The following DHX33 variants were observed in gnomAD, a reference collection of about 807,000 sequenced individuals.
DHX33 encodes ATP-dependent RNA helicase DHX33.
A neutral mutation model predicts 72.5 loss-of-function variants in DHX33; 42 were observed. The ratio of observed to expected loss-of-function variants is 0.58; its 90% CI spans 0.45 to 0.75. The LOEUF is 0.75. Among genes scored for constraint, DHX33 ranks in the 30% least tolerant of loss-of-function variants. DHX33 has a pLI of 0.00. For synonymous variants in DHX33, 358 were observed against 366.1 expected (o/e 0.98, Z 0.25); for missense variants, 842 against 917.5 (o/e 0.92, Z 1.06).
Position 5,450,099 on chromosome 17 carries a change from C to G in DHX33, c.1728+104G>C. On this transcript the variant is annotated intron_variant, in intron 10 of 11. Coordinates refer to ENST00000225296, the MANE Select transcript of DHX33 (RefSeq NM_020162.4). ...TTTGTGATTCTTTAGATAATTTAGCCAAAAAGGGAAAGCGTACTTTTTGCA... is the reference window on the plus strand; with the variant it reads ...TTTGTGATTCTTTAGATAATTTAGCGAAAAAGGGAAAGCGTACTTTTTGCA... The G allele has an allele frequency of 2.1e-6, 3 of 1,411,410 alleles. No homozygotes were observed. The South Asian group carries it at 3.8e-5, about 18-fold the overall frequency. The allele number at this position is 1,411,410 out of a possible 1,614,324, so 87.4% of individuals were successfully genotyped here.
Position 5,468,895 on chromosome 17 carries a change from G to C in DHX33, c.-36C>G, listed in dbSNP as rs1177661385. ...CACCGCGGCGGGAGGCGCAAGCGCC[G>C]AGAGCTCCTGCCCCCTCTCAGGTGC... On this transcript the variant is annotated 5_prime_UTR_variant, in exon 1 of 12. Coordinates refer to ENST00000225296, the MANE Select transcript of DHX33 (RefSeq NM_020162.4). 1 of 1,547,586 alleles carries C rather than the reference G, an allele frequency of 6.5e-7. No individual in the cohort carries two copies. The highest frequency in any genetic ancestry group is 1.4e-5 in the African/African-American group (1 of 72,880).
chr17:5,449,102 G>A (rs770277168), intron 10 of DHX33, among the ~76,000 whole-genome samples: 6 of 152,078 alleles, frequency 3.9e-5, no homozygotes, highest in Non-Finnish European at 5.9e-5. Flanking sequence ...CATCTCTATA[G>A]AGAAAATATA....
rs756640406 is a variant in DHX33 at position 5,443,783 on chromosome 17, C to G, written c.*422G>C. 53 of 164,488 alleles carry G rather than the reference C, an allele frequency of 3.2e-4. No individual in the cohort carries two copies. Among genetic ancestry groups the G allele is most frequent in the Admixed American group, 9.4e-4 (16 of 16,940 alleles). 10.2% of individuals were successfully genotyped at this position (164,488 alleles called of 1,614,324 possible). On this transcript the variant is annotated 3_prime_UTR_variant, in exon 12 of 12. Coordinates refer to ENST00000225296, the MANE Select transcript of DHX33 (RefSeq NM_020162.4). ...TATTGCTGTACTTCACATCATATGG[C>G]AAGCAGTAACATTCAGCCTAACGGC...
In DHX33 at chr17:5,460,928, C is replaced by T. The variant is rs763698880; in HGVS notation, c.849+11G>A. 65 of 1,604,210 alleles carry T rather than the reference C, an allele frequency of 4.1e-5. No homozygotes were observed. The South Asian group carries it at 7.0e-4, about 17-fold the overall frequency. ...AGAGAACTTTTCAGGAATTTGCCCCCAGCACCATACCTGGTGGATCTGGAA... is the reference window on the plus strand; with the variant it reads ...AGAGAACTTTTCAGGAATTTGCCCCTAGCACCATACCTGGTGGATCTGGAA... On this transcript the variant is annotated intron_variant, in intron 4 of 11. Transcript: ENST00000225296.
intron 4 of DHX33, among the ~76,000 whole-genome samples, chr17:5,460,199 A>G (rs1567602410): frequency 6.6e-6 from 1 of 151,624 alleles, no homozygotes; most frequent in Non-Finnish European, 1.5e-5. Flanking sequence ...TATTTTTAGT[A>G]CAGACGAGGT....
Position 5,463,703 on chromosome 17 carries a change from G to GA in DHX33, c.290-15_290-14insT. 4 of 1,557,806 alleles carry GA rather than the reference G, an allele frequency of 2.6e-6. No individual in the cohort carries two copies. Among genetic ancestry groups the GA allele is most frequent in the Non-Finnish European group, 2.6e-6 (3 of 1,158,582 alleles). ...AGCCAGTTTCCCCTAGGAGAGAGGG[G>GA]GAAAAAAAAAAAAGGCTCACTGAAA... is the stretch of plus-strand genomic sequence containing the variant. On this transcript the variant is annotated splice_polypyrimidine_tract_variant and intron_variant, in intron 1 of 11. Transcript: ENST00000225296.
At chr17:5,456,284 T>A in intron 4 of DHX33, 102 bp from the exon 5 acceptor site, 1 of 1,266,240 alleles carries the variant, frequency 7.9e-7, no homozygotes. Flanking sequence ...TTATTTCTCT[T>A]AACTATAGAA....
Position 5,450,304 on chromosome 17 carries a change from C to G in DHX33, c.1627G>C (p.Glu543Gln). 3 of 1,614,182 alleles carry G rather than the reference C, an allele frequency of 1.9e-6. No individual in the cohort carries two copies. The highest frequency in any genetic ancestry group is 2.5e-6 in the Non-Finnish European group (3 of 1,180,022). ...SVLHNPPSRR[E>Q]EVQGVRKKFI... ...TTCTTGCGGACCCCTTGCACTTCCT[C>G]TCGCCGGGAAGGAGGGTTGTGGAGG... Residue 543 changes from glutamate to glutamine, a missense_variant, in exon 10 of 12, where the codon GAG (glutamate) becomes CAG (glutamine). Glu to Gln is a conservative substitution (Grantham distance 29, BLOSUM62 2). Coordinates refer to ENST00000225296, the MANE Select transcript of DHX33 (RefSeq NM_020162.4).
intron 1 of DHX33, among the ~76,000 whole-genome samples, chr17:5,468,064 T>C (rs1567605571): frequency 6.6e-6 from 1 of 152,184 alleles, no homozygotes; most frequent in Non-Finnish European, 1.5e-5. Context: ...CTGCTCATCC[T>C]TTCCGTCCTT....
chr17:5,465,182 C>A (rs1248326487), intron 1 of DHX33, among the ~76,000 whole-genome samples: 2 of 152,120 alleles, frequency 1.3e-5, no homozygotes, highest in Non-Finnish European at 1.5e-5. Flanking sequence ...AGTAAACCTG[C>A]GCTTCCTTCC....
At chr17:5,448,680 TTTC>T in intron 11 of DHX33, 126 bp downstream of exon 11, 2 of 595,478 alleles carry the variant, frequency 3.4e-6, no homozygotes, top group South Asian at 3.4e-5. Context: ...AACTTCCTTT[TTTC>T]TTATTTGTGA....
In DHX33 at chr17:5,468,634, T is replaced by C. The variant is rs770892846; in HGVS notation, c.226A>G (p.Ile76Val). Reference sequence around the variant, plus strand: ...AACAGTTGCCCCCGCGCTTGGAAGATGGGCAGACTCCGGCGCTGCAGCTCC... The same window carrying C: ...AACAGTTGCCCCCGCGCTTGGAAGACGGGCAGACTCCGGCGCTGCAGCTCC... ...AVELQRRSLP[I>V]FQARGQLLAQ... The change falls in exon 1 of 12, where the codon ATC becomes GTC. Residue 76 changes from isoleucine to valine, a missense_variant. Transcript: ENST00000225296. 17 of 1,612,106 alleles carry C rather than the reference T, an allele frequency of 1.1e-5. No homozygotes were observed. In the South Asian group the frequency reaches 1.9e-4, roughly 18 times the overall value.
rs370884551 is a variant in DHX33 at position 5,453,992 on chromosome 17, G to C, written c.1148-12C>G. 1.2e-6 allele frequency: 2 copies of C among 1,612,502 alleles called. No homozygotes were observed. Among genetic ancestry groups the C allele is most frequent in the Non-Finnish European group, 1.7e-6 (2 of 1,179,642 alleles). On this transcript the variant is annotated splice_polypyrimidine_tract_variant and intron_variant, in intron 6 of 11. Coordinates refer to ENST00000225296, the MANE Select transcript of DHX33 (RefSeq NM_020162.4). ...CTCAAGACCACTGTCTGGATGGAGA[G>C]TGAGCCCCATTAGTGCTTCATCACA... is the stretch of plus-strand genomic sequence containing the variant.
chr17:5,445,398 A>C (rs1013611924), intron 11 of DHX33, among the ~76,000 whole-genome samples: 1 of 151,500 alleles, frequency 6.6e-6, no homozygotes, highest in African/African-American at 2.4e-5. Context: ...TTCTTTAGAC[A>C]CTCCATGGTC....
rs779619679 is a variant in DHX33 at position 5,450,281 on chromosome 17, C to T, written c.1650G>A (p.Lys550=). 3 of 1,614,200 alleles carry T rather than the reference C, an allele frequency of 1.9e-6. No homozygotes were observed. The South Asian group carries it at 3.3e-5, about 18-fold the overall frequency. ...SRREEVQGVR[K]KFISSEGDHM... is the part of the protein sequence containing the mutation. ...GATCCCCCTCGCTGGATATGAACTT[C>T]TTGCGGACCCCTTGCACTTCCTCTC... The change falls in exon 10 of 12, where the codon AAG becomes AAA. Residue 550 remains lysine, a synonymous_variant. Transcript: ENST00000225296.
chr17:5,455,695 G>A (rs1404474836), intron 5 of DHX33, among the ~76,000 whole-genome samples: 1 of 152,204 alleles, frequency 6.6e-6, no homozygotes, highest in African/African-American at 2.4e-5. Flanking sequence ...CACGGCAAAG[G>A]CACACAAGAA....
chr17:5,458,245 A>C (rs1482991316), intron 4 of DHX33, among the ~76,000 whole-genome samples: 1 of 152,120 alleles, frequency 6.6e-6, no homozygotes, highest in African/African-American at 2.4e-5. Flanking sequence ...GAACAGCAGC[A>C]TAAAGGACTC....
intron 11 of DHX33, among the ~76,000 whole-genome samples, chr17:5,445,010 C>T (rs568764028): frequency 5.3e-5 from 8 of 152,346 alleles, no homozygotes; most frequent in African/African-American, 1.9e-4. Flanking sequence ...GCAAACTTCC[C>T]GTGGTGAAGC....
intron 11 of DHX33, among the ~76,000 whole-genome samples, chr17:5,446,923 G>A (rs941820432): frequency 2.6e-5 from 4 of 152,242 alleles, no homozygotes; most frequent in Non-Finnish European, 4.4e-5. Flanking sequence ...GAATACAATA[G>A]GCTACTATGA....
Sources: allele counts gnomAD v4.1 joint callset (sites outside exome capture counted in the v4.1 genomes callset), GRCh38; gene constraint gnomAD v4.1.1; transcripts MANE v1.5; gene names NCBI Gene and HGNC (gene_info 2026-07-23, HGNC 2026-07-21).